KMT5B: variants seen among roughly 807,000 people sequenced by gnomAD.
KMT5B encodes the protein lysine methyltransferase 5B, also known as histone-lysine N-methyltransferase KMT5B.
KMT5B carries 10 observed loss-of-function variants against 83.2 expected under a neutral mutation model. The ratio of observed to expected loss-of-function variants is 0.12; its 90% CI spans 0.07 to 0.20. KMT5B has a LOEUF of 0.20. Ranked by LOEUF, KMT5B falls within the 10% of genes least tolerant of loss-of-function variation. The pLI, the probability that KMT5B is intolerant of heterozygous loss-of-function variation, is 1.00. For synonymous variants in KMT5B, 349 were observed against 388.8 expected, an observed-to-expected ratio of 0.90 and a Z score of 1.20; for missense variants, 753 against 1,067.2, an observed-to-expected ratio of 0.71 and a Z score of 4.10.
At chr11:68,188,810 C>T (rs1457321051) in intron 2 of KMT5B, among the ~76,000 whole-genome samples, 3 of 152,156 alleles carry the variant, frequency 2.0e-5, no homozygotes, top group South Asian at 2.1e-4. Flanking sequence ...GATGTGATCA[C>T]TATATTTCTC....
chr11:68,188,249 C>A (rs1165157807), intron 2 of KMT5B, among the ~76,000 whole-genome samples: 1 of 152,020 alleles, frequency 6.6e-6, no homozygotes, highest in Admixed American at 6.6e-5. Context: ...TGGTCTCGAT[C>A]TCCTGACCTC....
In KMT5B at chr11:68,213,294, G is replaced by C. The variant is rs1169383602; in HGVS notation, c.-233C>G. 6.8e-6 allele frequency: 1 copy of C among 147,440 alleles called. No individual in the cohort carries two copies. The highest frequency in any genetic ancestry group is 2.5e-5 in the African/African-American group (1 of 40,786). 9.1% of individuals were successfully genotyped at this position (147,440 alleles called of 1,614,324 possible). Reference sequence around the variant, plus strand: ...GAGAAAAATGGAGAGTAAAATCCAAGATGGCGGCGCGGGCCGCAGCACCGC... The same window carrying C: ...GAGAAAAATGGAGAGTAAAATCCAACATGGCGGCGCGGGCCGCAGCACCGC... On this transcript the variant is annotated 5_prime_UTR_variant, in exon 1 of 11. It adds an upstream start codon to the 5' untranslated region. Transcript: ENST00000304363.
rs368471317 is a variant in KMT5B at position 68,180,084 on chromosome 11, T to C, written c.377+48A>G. On this transcript the variant is annotated intron_variant, in intron 4 of 10. Transcript: ENST00000304363. ...AACATAAAAGAACATTTTAAAAGGC[T>C]AGAATGGGTTAGTCAGTATCTCATT... 14 of 1,535,144 alleles carry C rather than the reference T, an allele frequency of 9.1e-6. No homozygotes were observed. In the African/African-American group the frequency reaches 1.5e-4, roughly 17 times the overall value.
rs565357487 is a variant in KMT5B, at chr11:68,193,238, C to G, written c.-76-3086G>C. On this transcript the variant is annotated intron_variant, in intron 1 of 10. Transcript: ENST00000304363. Reference sequence around the variant, plus strand: ...ACATGATCCACCTGCAGCAGTCTCACGAGTAGAACCCAGCACTGCTGCCCA... The same window carrying G: ...ACATGATCCACCTGCAGCAGTCTCAGGAGTAGAACCCAGCACTGCTGCCCA... Among the ~76,000 whole-genome samples, 6 of 152,342 alleles carry G rather than the reference C, an allele frequency of 3.9e-5. No individual in the cohort carries two copies. In the East Asian group the frequency reaches 1.2e-3, roughly 29 times the overall value.
At chr11:68,182,254 A>G (rs1256081335) in intron 3 of KMT5B, among the ~76,000 whole-genome samples, 2 of 152,164 alleles carry the variant, frequency 1.3e-5, no homozygotes, top group East Asian at 3.8e-4. Flanking sequence ...TCCACTTAGC[A>G]CGTCACAATG....
intron 2 of KMT5B, among the ~76,000 whole-genome samples, chr11:68,188,143 G>A (rs182588719): frequency 1.2e-3 from 176 of 149,254 alleles, no homozygotes; most frequent in African/African-American, 4.2e-3. Context: ...TCCCGCCTCA[G>A]CCTCACGAGT....
chr11:68,191,990 T>G (rs1203339417), intron 1 of KMT5B, among the ~76,000 whole-genome samples: 1 of 152,198 alleles, frequency 6.6e-6, no homozygotes, highest in Non-Finnish European at 1.5e-5. Context: ...TATATATGTT[T>G]AGATAACAAA....
rs1164231075 is a variant in KMT5B, at chr11:68,157,721, TCTC to T, written c.2622_2624del (p.Arg876del). 2 of 1,600,066 alleles carry T rather than the reference TCTC, an allele frequency of 1.2e-6. No homozygotes were observed. Among genetic ancestry groups the T allele is most frequent in the South Asian group, 1.1e-5 (1 of 88,886 alleles). On this transcript the variant is annotated inframe_deletion, in exon 11 of 11. Coordinates refer to ENST00000304363, the MANE Select transcript of KMT5B (RefSeq NM_017635.5). Reference sequence around the variant, plus strand: ...TAAGCCTTAAAGACTGATCTTCTCTTCTCCTTGAAGAAATGTCAATATCTATAG... The same window carrying T: ...TAAGCCTTAAAGACTGATCTTCTCTTCTTGAAGAAATGTCAATATCTATAG...
chr11:68,159,289 C>G (rs569551434), intron 10 of KMT5B, 118 bp from the exon 11 acceptor site: 52 of 1,384,162 alleles, frequency 3.8e-5, no homozygotes, highest in Non-Finnish European at 4.7e-5. Flanking sequence ...GCCAACACCA[C>G]GGCTCCTGCT....
intron 1 of KMT5B, among the ~76,000 whole-genome samples, chr11:68,207,885 G>A (rs71464345): frequency 6.6e-6 from 1 of 150,430 alleles, no homozygotes; most frequent in Non-Finnish European, 1.5e-5. Context: ...TATTGCCCAG[G>A]CTGGAGTGCA....
rs888239971 is a variant in KMT5B, at chr11:68,157,747, TAG to T, written c.2597_2598del (p.Ser866TyrfsTer4). On this transcript the variant is annotated frameshift_variant, in exon 11 of 11. Coordinates refer to ENST00000304363, the MANE Select transcript of KMT5B (RefSeq NM_017635.5). LOFTEE classifies it high-confidence loss of function. ...CTCCTTGAAGAAATGTCAATATCTA[TAG>T]AGTCTTTTCCAACTATTAACCTCAA... ...KRLRLIVGKD[S>X]IDIDISSRRR... 2 of 1,612,902 alleles carry T rather than the reference TAG, an allele frequency of 1.2e-6. No homozygotes were observed. The highest frequency in any genetic ancestry group is 1.7e-6 in the Non-Finnish European group (2 of 1,179,560).
intron 3 of KMT5B, 100 bp from the exon 4 acceptor site, chr11:68,180,300 T>A: frequency 6.9e-7 from 1 of 1,450,792 alleles, no homozygotes; most frequent in South Asian, 1.3e-5. Flanking sequence ...GTTGCAAAAA[T>A]CTTTAAAACT....
In KMT5B at chr11:68,200,115, T is replaced by C. The variant is rs559249366; in HGVS notation, c.-76-9963A>G. On this transcript the variant is annotated intron_variant, in intron 1 of 10. Transcript: ENST00000304363. Reference sequence around the variant, plus strand: ...TCCAGCTCCAAGCTGAAGATAAAAATCTGGTATTTTTATCTTCAAATAAAA... The same window carrying C: ...TCCAGCTCCAAGCTGAAGATAAAAACCTGGTATTTTTATCTTCAAATAAAA... Among the ~76,000 whole-genome samples, 36 of 152,154 alleles carry C rather than the reference T, an allele frequency of 2.4e-4. 1 individual carries two copies. The South Asian group carries it at 7.5e-3, about 32-fold the overall frequency.
chr11:68,200,353 C>A (rs1177312993), intron 1 of KMT5B, among the ~76,000 whole-genome samples: 1 of 152,164 alleles, frequency 6.6e-6, no homozygotes, highest in Admixed American at 6.5e-5. Flanking sequence ...CCAACTCAGG[C>A]AAGGACTATA....
At chr11:68,200,534 G>A (rs978526099) in intron 1 of KMT5B, among the ~76,000 whole-genome samples, 2 of 152,170 alleles carry the variant, frequency 1.3e-5, no homozygotes, top group African/African-American at 4.8e-5. Flanking sequence ...GAAACAGATG[G>A]CAGAGGGCAA....
In KMT5B at chr11:68,180,186, C is replaced by T; in HGVS notation, c.323G>A (p.Arg108Lys). ...HKMNTSAFPS[R>K]SSRHFSKSDS... ...AGATTTTGAAAAATGCCTTGAGCTC[C>T]TCGAAGGAAAGGCGCTATATAAATG... The change falls in exon 4 of 11, where the codon AGG becomes AAG. Residue 108 changes from arginine (R) to lysine (K), a missense_variant. Transcript: ENST00000304363. The T allele has an allele frequency of 6.4e-7, 1 of 1,570,446 alleles. No individual in the cohort carries two copies. The highest frequency in any genetic ancestry group is 8.7e-7 in the Non-Finnish European group (1 of 1,145,044).
chr11:68,167,315 C>A, intron 9 of KMT5B, 137 bp from the exon 10 acceptor site: 1 of 953,866 alleles, frequency 1.0e-6, no homozygotes. Flanking sequence ...AAACCGAAGA[C>A]TAGAACTCAC....
intron 9 of KMT5B, among the ~76,000 whole-genome samples, chr11:68,167,458 T>G (rs1855419351): frequency 6.9e-6 from 1 of 145,248 alleles, no homozygotes; most frequent in Non-Finnish European, 1.5e-5. Context: ...ATTTTTTCCT[T>G]TTTTTTTTTT....
At chr11:68,203,878 T>G (rs1194964860) in intron 1 of KMT5B, among the ~76,000 whole-genome samples, 1 of 149,222 alleles carries the variant, frequency 6.7e-6, no homozygotes, top group Non-Finnish European at 1.5e-5. Context: ...CAAATGGTAA[T>G]CAGGTATCTA....
Sources: gnomAD v4.1 joint callset for allele counts (sites outside exome capture counted in the v4.1 genomes callset) on GRCh38, gnomAD v4.1.1 for gene constraint, MANE v1.5 for transcripts, NCBI Gene and HGNC (gene_info 2026-07-23, HGNC 2026-07-21) for gene names.